The following DNAH17 variants were observed in gnomAD, a reference collection of about 807,000 sequenced individuals.
The protein encoded by DNAH17 is dynein axonemal heavy chain 17, also known as axonemal beta dynein heavy chain 17.
In DNAH17, 376 loss-of-function variants were observed where a neutral mutation model predicts 485.6. The ratio of observed to expected loss-of-function variants is 0.77; its 90% CI spans 0.71 to 0.84. DNAH17 has a LOEUF of 0.84. DNAH17 is among the 40% of genes least tolerant of loss of function. DNAH17 has a pLI of 0.00. For synonymous variants in DNAH17, 3,031 were observed against 2,405.9 expected (o/e 1.26, Z -7.60); for missense variants, 6,370 against 5,839.3 (o/e 1.09, Z -2.96).
chr17:78,490,663 C>T (rs763188245), intron 44 of DNAH17, 36 bp downstream of exon 44: 120 of 1,576,586 alleles, frequency 7.6e-5, no homozygotes, highest in Non-Finnish European at 9.7e-5. Flanking sequence ...TTTTCCCTGC[C>T]GAGGTTTGGA....
At chr17:78,428,488 C>G (rs77420079) in intron 77 of DNAH17, 37 bp downstream of exon 77, 2 of 1,558,628 alleles carry the variant, frequency 1.3e-6, no homozygotes, top group Non-Finnish European at 1.7e-6. Context: ...AGATCCTCCC[C>G]CTTCCTCTCG....
intron 58 of DNAH17, among the ~76,000 whole-genome samples, 164 bp from the exon 59 acceptor site, chr17:78,460,421 T>C (rs2088059827): frequency 6.6e-6 from 1 of 152,186 alleles, no homozygotes; most frequent in Non-Finnish European, 1.5e-5. Flanking sequence ...TGCATGTATG[T>C]GTATGTGCAT....
In DNAH17 at chr17:78,428,924, T is replaced by TA. The variant is rs11409298; in HGVS notation, c.12405+196dup. Among the ~76,000 whole-genome samples, 66,068 of 102,824 alleles carry TA rather than the reference T, an allele frequency of 0.64. 20,634 individuals carry two copies. The highest frequency in any genetic ancestry group is 0.92 in the East Asian group (3,142 of 3,430). 67.5% of individuals were successfully genotyped at this position (102,824 alleles called of 152,430 possible). On this transcript the variant is annotated intron_variant, in intron 76 of 80. Coordinates refer to ENST00000389840, the MANE Select transcript of DNAH17 (RefSeq NM_173628.4). ...TTCCCTGAGGCTGCATTTCTTTCTT[T>TA]AAAAAAAAAAAAAAAAAAAAAAGGT...
rs576360214 is a variant in DNAH17, at chr17:78,520,090, C to T, written c.3864+4919G>A. On this transcript the variant is annotated intron_variant, in intron 25 of 80. Transcript: ENST00000389840. ...CACACCACTGCACTCCAGGCCTGGGCGATAGAACGAAACTCTGTTTCAAGA... is the reference window on the plus strand; with the variant it reads ...CACACCACTGCACTCCAGGCCTGGGTGATAGAACGAAACTCTGTTTCAAGA... Among the ~76,000 whole-genome samples, 10 of 147,224 alleles carry T rather than the reference C, an allele frequency of 6.8e-5. No individual in the cohort carries two copies. The South Asian group carries it at 1.1e-3, about 16-fold the overall frequency.
At position 78,451,632 on chromosome 17, in the gene DNAH17, T is replaced by G. The variant is rs1403515154; in HGVS notation, c.10571A>C (p.Lys3524Thr). The G allele has an allele frequency of 6.3e-7, 1 of 1,596,966 alleles. No homozygotes were observed. The highest frequency in any genetic ancestry group is 1.7e-5 in the Admixed American group (1 of 57,636). The part of the protein sequence containing the change: ...IGDKEVEYHP[K>T]FRLILHTKYF... ...CTTGGTGTGTAGGATCAGGCGGAACTTGGGGTGGTACTCCACCTCCTTGTC... is the reference window on the plus strand; with the variant it reads ...CTTGGTGTGTAGGATCAGGCGGAACGTGGGGTGGTACTCCACCTCCTTGTC... The change falls in exon 66 of 81, where the codon AAG (lysine) becomes ACG (threonine). Residue 3524 changes from lysine (K) to threonine (T), a missense_variant. Physicochemically the swap from Lys to Thr is moderately conservative, Grantham distance 78. Coordinates refer to ENST00000389840, the MANE Select transcript of DNAH17 (RefSeq NM_173628.4).
intron 11 of DNAH17, among the ~76,000 whole-genome samples, chr17:78,565,931 C>T (rs531376247): frequency 9.2e-5 from 14 of 152,066 alleles, no homozygotes; most frequent in Non-Finnish European, 1.8e-4. Context: ...GCCTGGGCAA[C>T]AAGAACAAGA....
chr17:78,571,539 G>A, intron 4 of DNAH17, 51 bp downstream of exon 4: 1 of 1,601,850 alleles, frequency 6.2e-7, no homozygotes, highest in Non-Finnish European at 8.6e-7. Context: ...GCTCGGCCCG[G>A]TCGCCCAGCT....
intron 6 of DNAH17, 84 bp from the exon 7 acceptor site, chr17:78,570,456 C>T (rs1813108582): frequency 2.0e-6 from 3 of 1,491,876 alleles, no homozygotes; most frequent in Admixed American, 4.3e-5. Flanking sequence ...CTTCCCATGG[C>T]TCTCACTGGG....
intron 76 of DNAH17, 132 bp from the exon 77 acceptor site, chr17:78,428,839 G>A: frequency 8.5e-7 from 1 of 1,171,802 alleles, no homozygotes; most frequent in Non-Finnish European, 1.2e-6. Context: ...TTGTTTCCCA[G>A]CCCCCTTTGT....
At chr17:78,439,761 C>T (rs2086996692) in intron 72 of DNAH17, among the ~76,000 whole-genome samples, 1 of 151,176 alleles carries the variant, frequency 6.6e-6, no homozygotes, top group Admixed American at 6.6e-5. Context: ...CCTCCACCTC[C>T]CGGGTTCAAG....
At chr17:78,470,751 A>G (rs978997765) in intron 54 of DNAH17, among the ~76,000 whole-genome samples, 1 of 152,176 alleles carries the variant, frequency 6.6e-6, no homozygotes, top group Non-Finnish European at 1.5e-5. Flanking sequence ...TTTACCACAT[A>G]TGCAAAAGGA....
intron 58 of DNAH17, 141 bp downstream of exon 58, chr17:78,461,403 A>G: frequency 1.1e-6 from 1 of 900,032 alleles, no homozygotes. Context: ...CGGGGGTCCC[A>G]CTGGTTTAGG....
chr17:78,477,923 A>ACCATTATCATCT lies in DNAH17; in HGVS notation c.7992+1101_7992+1102insAGATGATAATGG, dbSNP rs1190845848. ...CCATCATCATTACCACATCACCATC[A>ACCATTATCATCT]CCACCATCATCACCACCATCACCAT... On this transcript the variant is annotated intron_variant, in intron 51 of 80. Transcript: ENST00000389840. Among the ~76,000 whole-genome samples, 405 of 149,894 alleles carry ACCATTATCATCT rather than the reference A, an allele frequency of 2.7e-3. 5 individuals are homozygous for ACCATTATCATCT. The highest frequency in any genetic ancestry group is 9.3e-3 in the African/African-American group (369 of 39,846).
intron 11 of DNAH17, among the ~76,000 whole-genome samples, chr17:78,564,563 C>T (rs1237364705): frequency 1.3e-5 from 2 of 151,834 alleles, no homozygotes; most frequent in African/African-American, 2.4e-5. Flanking sequence ...GACCCTTCTG[C>T]GCTGGGGCAG....
At chr17:78,517,507 C>G (rs74001394) in intron 25 of DNAH17, among the ~76,000 whole-genome samples, 33,120 of 152,202 alleles carry the variant, frequency 0.22, 4,017 homozygotes, top group East Asian at 0.47. Flanking sequence ...AGTCCAGCCT[C>G]CCTTCACACA....
rs2089592278 is a variant in DNAH17, at chr17:78,486,043, A to C, written c.7192T>G (p.Tyr2398Asp). Reference sequence around the variant, plus strand: ...AACTTTTTTGTGTCAGGATCAATGTAGTAGTCAAAAATCGTTCCCTGCGAG... The same window carrying C: ...AACTTTTTTGTGTCAGGATCAATGTCGTAGTCAAAAATCGTTCCCTGCGAG... ...FPSQGTIFDYYIDPDTKKFLP... is the reference protein window; with the variant it reads ...FPSQGTIFDYDIDPDTKKFLP... The change falls in exon 46 of 81, where the codon TAC becomes GAC. Residue 2398 changes from tyrosine to aspartate, a missense_variant. By Grantham distance (160) the Tyr-to-Asp change is radical. Coordinates refer to ENST00000389840, the MANE Select transcript of DNAH17 (RefSeq NM_173628.4). The C allele has an allele frequency of 6.2e-7, 1 of 1,613,878 alleles. No homozygotes were observed. The highest frequency in any genetic ancestry group is 8.5e-7 in the Non-Finnish European group (1 of 1,179,908).
At chr17:78,467,180 C>A (rs1478294321) in intron 55 of DNAH17, among the ~76,000 whole-genome samples, 1 of 152,220 alleles carries the variant, frequency 6.6e-6, no homozygotes, top group East Asian at 1.9e-4. Context: ...CCCCGCTGGG[C>A]CCTGAGGGAT....
Position 78,562,121 on chromosome 17 carries a change from C to A in DNAH17, c.1570-141G>T, listed in dbSNP as rs886679140. 1.1e-5 allele frequency: 12 copies of A among 1,055,576 alleles called. No homozygotes were observed. In the Admixed American group the frequency reaches 2.1e-4, roughly 18 times the overall value. 65.4% of individuals were successfully genotyped at this position (1,055,576 alleles called of 1,614,324 possible). A position where few individuals can be genotyped will look rare whatever the true frequency, so the allele number is the denominator to read the frequency against. ...CCAAAACAAAACAATCCACTGGAAC[C>A]TTTGTGTGTGTCAACTGGCTCAGTG... is the stretch of plus-strand genomic sequence containing the variant. On this transcript the variant is annotated intron_variant, in intron 11 of 80. Transcript: ENST00000389840.
At chr17:78,499,272 C>T in intron 36 of DNAH17, 160 bp from the exon 37 acceptor site, 1 of 531,364 alleles carries the variant, frequency 1.9e-6, no homozygotes, top group Non-Finnish European at 3.3e-6. Flanking sequence ...GGCAGGTCAG[C>T]TTACTGCCCA....
Sources: allele counts gnomAD v4.1 joint callset (sites outside exome capture counted in the v4.1 genomes callset), GRCh38; gene constraint gnomAD v4.1.1; transcripts MANE v1.5; gene names NCBI Gene and HGNC (gene_info 2026-07-23, HGNC 2026-07-21).